SH3D19: variants seen among roughly 807,000 people sequenced by gnomAD.
SH3D19 encodes the protein SH3 domain containing 19, also known as SH3 domain-containing protein 19.
In SH3D19, 58 loss-of-function variants were observed where a neutral mutation model predicts 112.1. That is an observed-to-expected ratio of 0.52 (90% CI 0.42 to 0.64). The LOEUF (loss-of-function observed/expected upper bound fraction) is 0.64. Ranked by LOEUF, SH3D19 falls within the 30% of genes least tolerant of loss-of-function variation. The probability of loss-of-function intolerance (pLI) is 0.00; values close to 1 mark genes in which losing one functional copy is unlikely to be tolerated. For synonymous variants in SH3D19, 391 were observed against 448.5 expected (o/e 0.87, Z 1.62); for missense variants, 1,090 against 1,263.4 (o/e 0.86, Z 2.08).
In SH3D19 at chr4:151,165,573, G is replaced by GTGCTTA. The variant is rs1757866417; in HGVS notation, c.1642+15_1642+16insTAAGCA. The GTGCTTA allele has an allele frequency of 6.3e-7, 1 of 1,586,100 alleles. No individual in the cohort carries two copies. Among genetic ancestry groups the GTGCTTA allele is most frequent in the South Asian group, 1.1e-5 (1 of 89,938 alleles). ...CCTCTTGAAGAAGCTAATAAAGAAAGCAGAGAAGTGCTTACATTTTCCTGG... is the reference window on the plus strand; with the variant it reads ...CCTCTTGAAGAAGCTAATAAAGAAAGTGCTTACAGAGAAGTGCTTACATTTTCCTGG... On this transcript the variant is annotated intron_variant, in intron 8 of 19. Transcript: ENST00000604030.
In SH3D19 at chr4:151,277,198, C is replaced by T. The variant is rs747003883; in HGVS notation, c.112+48043G>A. ...ATGGGCCCTGCTGGCTGTGCCTTCACGCTGCTCCTTCTGCTGGGGATCTCA... is the reference window on the plus strand; with the variant it reads ...ATGGGCCCTGCTGGCTGTGCCTTCATGCTGCTCCTTCTGCTGGGGATCTCA... On this transcript the variant is annotated intron_variant, in intron 1 of 19. Transcript: ENST00000604030. 6.7e-5 allele frequency: 100 copies of T among 1,501,324 alleles called. No individual in the cohort carries two copies. Among genetic ancestry groups the T allele is most frequent in the Non-Finnish European group, 7.7e-5 (86 of 1,113,100 alleles). The allele number at this position is 1,501,324 out of a possible 1,614,324, so 93.0% of individuals were successfully genotyped here. A position where few individuals can be genotyped will look rare whatever the true frequency, so the allele number is the denominator to read the frequency against.
At chr4:151,289,709 A>T (rs2150017494) in intron 1 of SH3D19, among the ~76,000 whole-genome samples, 1 of 152,328 alleles carries the variant, frequency 6.6e-6, no homozygotes, top group Middle Eastern at 3.4e-3. Context: ...CACAGGTTAA[A>T]CATAGAATTA....
In SH3D19 at chr4:151,167,831, G is replaced by C. The variant is rs564577844; in HGVS notation, c.1535-2135C>G. ...CCGCCCCATCTGGGAAGTAAGGAGC[G>C]CCTCTGCCAGGCCGCCCCACCGTCT... On this transcript the variant is annotated intron_variant, in intron 7 of 19. Transcript: ENST00000604030. Among the ~76,000 whole-genome samples the C allele has an allele frequency of 1.2e-3, 177 of 152,004 alleles. 1 individual carries two copies. Among genetic ancestry groups the C allele is most frequent in the East Asian group, 7.6e-3 (39 of 5,156 alleles).
chr4:151,201,325 T>C (rs1764361630), intron 2 of SH3D19, among the ~76,000 whole-genome samples: 1 of 152,256 alleles, frequency 6.6e-6, no homozygotes, highest in East Asian at 1.9e-4. Flanking sequence ...TTCAAATCTC[T>C]GTATTTCCCA....
intron 1 of SH3D19, among the ~76,000 whole-genome samples, chr4:151,320,974 G>A (rs1214450239): frequency 6.6e-6 from 1 of 152,154 alleles, no homozygotes; most frequent in African/African-American, 2.4e-5. Flanking sequence ...CTGGGAGGCA[G>A]AGGTTGCAGT....
At chr4:151,288,153 A>AAAACCC in intron 1 of SH3D19, among the ~76,000 whole-genome samples, 1 of 152,176 alleles carries the variant, frequency 6.6e-6, no homozygotes, top group Non-Finnish European at 1.5e-5. Context: ...CAACTACAAA[A>AAAACCC]AAACCCACAG....
chr4:151,161,161 G>A (rs1195270919), intron 8 of SH3D19, among the ~76,000 whole-genome samples: 1 of 152,082 alleles, frequency 6.6e-6, no homozygotes, highest in Non-Finnish European at 1.5e-5. Flanking sequence ...GAAGGTCTCT[G>A]AGAAAAAGTG....
At chr4:151,301,559 T>TCC (rs944502225) in intron 1 of SH3D19, among the ~76,000 whole-genome samples, 2 of 152,012 alleles carry the variant, frequency 1.3e-5, no homozygotes, top group African/African-American at 4.8e-5. Flanking sequence ...TGTGTGGCAC[T>TCC]CCCCGCTCTC....
chr4:151,286,203 AAC>A (rs1774765208), intron 1 of SH3D19, among the ~76,000 whole-genome samples: 1 of 150,404 alleles, frequency 6.6e-6, no homozygotes, highest in Non-Finnish European at 1.5e-5. Context: ...AAAAAAAAAA[AAC>A]AACTAAACCT....
In SH3D19 at chr4:151,176,615, C is replaced by CT; in HGVS notation, c.447_448insA (p.Ala150SerfsTer16). ...ATAGTGTGCCTTGGAGTAGCAGCAG[C>CT]ATTATTATTATTTGTAGTATTAACT... is the stretch of plus-strand genomic sequence containing the variant. On this transcript the variant is annotated frameshift_variant, in exon 6 of 20. Coordinates refer to ENST00000604030, the MANE Select transcript of SH3D19 (RefSeq NM_001378122.1). LOFTEE classifies it high-confidence loss of function. 1 of 1,231,498 alleles carries CT rather than the reference C, an allele frequency of 8.1e-7. No individual in the cohort carries two copies. Among genetic ancestry groups the CT allele is most frequent in the East Asian group, 3.2e-5 (1 of 31,696 alleles). 76.3% of individuals were successfully genotyped at this position (1,231,498 alleles called of 1,614,324 possible).
At chr4:151,220,167 C>T (rs1767801375) in intron 2 of SH3D19, among the ~76,000 whole-genome samples, 1 of 152,208 alleles carries the variant, frequency 6.6e-6, no homozygotes, top group South Asian at 2.1e-4. Flanking sequence ...GTCTTAATTA[C>T]TTAAAAGAGT....
chr4:151,131,494 T>C (rs202131752), intron 17 of SH3D19, among the ~76,000 whole-genome samples: 3 of 151,346 alleles, frequency 2.0e-5, no homozygotes, highest in Non-Finnish European at 3.0e-5. Context: ...TTTCTTTTTT[T>C]CTTTTTTTTT....
At chr4:151,237,486 A>G (rs377631809) in intron 1 of SH3D19, among the ~76,000 whole-genome samples, 17 of 152,066 alleles carry the variant, frequency 1.1e-4, no homozygotes, top group African/African-American at 3.9e-4. Flanking sequence ...TCAGTATGAC[A>G]ATCTAGGTAG....
At chr4:151,286,671 A>T (rs1006573071) in intron 1 of SH3D19, among the ~76,000 whole-genome samples, 1 of 151,416 alleles carries the variant, frequency 6.6e-6, no homozygotes, top group Non-Finnish European at 1.5e-5. Context: ...AATTCTACCA[A>T]ACATTTAAAT....
At chr4:151,251,423 C>T (rs547390844) in intron 1 of SH3D19, among the ~76,000 whole-genome samples, 1 of 152,236 alleles carries the variant, frequency 6.6e-6, no homozygotes, top group East Asian at 1.9e-4. Flanking sequence ...TGGTCTCGAA[C>T]TCCTGATCAC....
At chr4:151,303,592 C>T (rs1728659561) in intron 1 of SH3D19, among the ~76,000 whole-genome samples, 1 of 152,150 alleles carries the variant, frequency 6.6e-6, no homozygotes, top group Admixed American at 6.6e-5. Context: ...ATTCCACTCC[C>T]CAGAGTATTA....
intron 1 of SH3D19, among the ~76,000 whole-genome samples, chr4:151,309,631 G>A (rs1002990561): frequency 3.3e-5 from 5 of 152,188 alleles, no homozygotes; most frequent in African/African-American, 1.2e-4. Flanking sequence ...CTAACCATCA[G>A]GGAAATGTAA....
rs529509279 is a variant in SH3D19, at chr4:151,135,986, AAAAACAAAAC to A, written c.2428-864_2428-855del. On this transcript the variant is annotated intron_variant, in intron 14 of 19. Coordinates refer to ENST00000604030, the MANE Select transcript of SH3D19 (RefSeq NM_001378122.1). ...CGGGTGACAACAGCGAGACTGTCTC[AAAAACAAAAC>A]AAAACAAAACAAAACAAAACAAAAC... 6.4e-3 allele frequency among the ~76,000 whole-genome samples: 952 copies of A among 148,862 alleles called. 2 individuals carry two copies. Among genetic ancestry groups the A allele is most frequent in the African/African-American group, 8.8e-3 (351 of 39,826 alleles).
chr4:151,167,706 T>C (rs1229530214), intron 7 of SH3D19, among the ~76,000 whole-genome samples: 2 of 152,154 alleles, frequency 1.3e-5, no homozygotes, highest in Non-Finnish European at 2.9e-5. Flanking sequence ...ATCTGGGAAG[T>C]GAGGAGCGCC....
Sources: gnomAD v4.1 joint callset for allele counts (sites outside exome capture counted in the v4.1 genomes callset) on GRCh38, gnomAD v4.1.1 for gene constraint, MANE v1.5 for transcripts, NCBI Gene and HGNC (gene_info 2026-07-23, HGNC 2026-07-21) for gene names.